Variants in GINS1 observed in about 807,000 individuals in gnomAD.
GINS1 encodes DNA replication complex GINS protein PSF1.
A neutral mutation model predicts 34.9 loss-of-function variants in GINS1; 26 were observed. That is an observed-to-expected ratio of 0.74 (90% confidence interval 0.55 to 1.03). The LOEUF (loss-of-function observed/expected upper bound fraction) is 1.03. Among genes scored for constraint, GINS1 ranks in the 50% least tolerant of loss-of-function variants. The probability of loss-of-function intolerance (pLI) is 0.00; values close to 1 mark genes in which losing one functional copy is unlikely to be tolerated. For synonymous variants in GINS1, 97 were observed against 84.4 expected (o/e 1.15, Z -0.82); for missense variants, 235 against 237.9 (o/e 0.99, Z 0.08).
Position 25,446,603 on chromosome 20 carries a change from G to A in GINS1, c.*612G>A, listed in dbSNP as rs1334307936. On this transcript the variant is annotated 3_prime_UTR_variant, in exon 7 of 7. Transcript: ENST00000262460. ...TGTAGAAATTTTCAGTATATATAAT[G>A]TTTAATGACATACTAATTTATCATC... The A allele has an allele frequency of 6.6e-6, 1 of 152,218 alleles. No homozygotes were observed. Among genetic ancestry groups the A allele is most frequent in the Non-Finnish European group, 1.5e-5 (1 of 68,054 alleles). 9.4% of individuals were successfully genotyped at this position (152,218 alleles called of 1,614,324 possible).
At chr20:25,434,996 C>T (rs958560574) in intron 5 of GINS1, among the ~76,000 whole-genome samples, 1 of 152,196 alleles carries the variant, frequency 6.6e-6, no homozygotes, top group Non-Finnish European at 1.5e-5. Context: ...CTGACCACCT[C>T]ACCAAAGTCC....
In GINS1 at chr20:25,417,156, C is replaced by T. The variant is rs766725581; in HGVS notation, c.193C>T (p.Arg65Ter). ...RSDLIPTIKF[R>*]HCSLLRNRRC... ...TGATTTGATACCAACTATCAAATTT[C>T]GACACTGTTCTCTGTTAAGAAATCG... The change falls in exon 3 of 7, where the codon CGA becomes TGA. Residue 65 changes from arginine (R) to a stop codon, truncating the protein, a stop_gained. Coordinates refer to ENST00000262460, the MANE Select transcript of GINS1 (RefSeq NM_021067.5). LOFTEE classifies it high-confidence loss of function. The T allele has an allele frequency of 7.5e-6, 12 of 1,600,136 alleles. No homozygotes were observed. Among genetic ancestry groups the T allele is most frequent in the South Asian group, 5.5e-5 (5 of 90,522 alleles).
intron 4 of GINS1, among the ~76,000 whole-genome samples, chr20:25,422,755 T>C (rs1405983691): frequency 1.3e-5 from 2 of 152,232 alleles, no homozygotes; most frequent in Middle Eastern, 3.2e-3. Context: ...TCTGTTGATA[T>C]ATTAGCAAGA....
rs1394583076 is a variant in GINS1 at position 25,446,170 on chromosome 20, ATGT to A, written c.*183_*185del. 11 of 470,026 alleles carry A rather than the reference ATGT, an allele frequency of 2.3e-5. No individual in the cohort carries two copies. The East Asian group carries it at 3.6e-4, about 15-fold the overall frequency. The allele number at this position is 470,026 out of a possible 1,614,324, so 29.1% of individuals were successfully genotyped here. On this transcript the variant is annotated 3_prime_UTR_variant, in exon 7 of 7. Transcript: ENST00000262460. ...AACTATTAAGGACTTTCTTTTTTTA[ATGT>A]TGTACACTATTCTTCCTACTCTTTT...
At chr20:25,437,137 C>G (rs899952562) in intron 5 of GINS1, among the ~76,000 whole-genome samples, 11 of 152,158 alleles carry the variant, frequency 7.2e-5, no homozygotes, top group African/African-American at 1.9e-4. Flanking sequence ...TCTTTAATGT[C>G]TGGCTCCTGA....
chr20:25,430,571 C>T (rs1331506466), intron 5 of GINS1, among the ~76,000 whole-genome samples: 1 of 152,036 alleles, frequency 6.6e-6, no homozygotes, highest in Non-Finnish European at 1.5e-5. Flanking sequence ...GGTCTGGTTG[C>T]CCAGGCTGGA....
chr20:25,434,514 C>T (rs2090443838), intron 5 of GINS1, among the ~76,000 whole-genome samples: 1 of 151,868 alleles, frequency 6.6e-6, no homozygotes, highest in Admixed American at 6.6e-5. Context: ...GTGGTACAAT[C>T]ATAGTTCACT....
At chr20:25,441,251 T>C (rs1444960659) in intron 5 of GINS1, among the ~76,000 whole-genome samples, 2 of 152,198 alleles carry the variant, frequency 1.3e-5, no homozygotes, top group Admixed American at 1.3e-4. Context: ...TGGGAAATTA[T>C]CTGAATTTTG....
intron 5 of GINS1, among the ~76,000 whole-genome samples, chr20:25,427,933 G>A (rs1394212299): frequency 7.3e-6 from 1 of 137,694 alleles, no homozygotes; most frequent in Non-Finnish European, 1.5e-5. Context: ...ATGCAGTGGT[G>A]TGATCTCGGC....
rs527860634 is a variant in GINS1, at chr20:25,427,039, A to G, written c.447+1712A>G. 5.9e-5 allele frequency among the ~76,000 whole-genome samples: 9 copies of G among 152,274 alleles called. No individual in the cohort carries two copies. In the South Asian group the frequency reaches 1.9e-3, roughly 32 times the overall value. On this transcript the variant is annotated intron_variant, in intron 5 of 6. Coordinates refer to ENST00000262460, the MANE Select transcript of GINS1 (RefSeq NM_021067.5). The stretch of plus-strand genomic sequence containing the variant: ...ATATCCAGAGTGGAATTACTAGATC[A>G]TATGGTAATACTATGTTTGAGGAAT...
chr20:25,445,610 G>A lies in GINS1; in HGVS notation c.523-313G>A, dbSNP rs1479345487. ...GATCCACCCGCCTCGGCCTCCCAAAGTGCTGGGATTATAGGCGTGATCCAC... is the reference window on the plus strand; with the variant it reads ...GATCCACCCGCCTCGGCCTCCCAAAATGCTGGGATTATAGGCGTGATCCAC... On this transcript the variant is annotated intron_variant, in intron 6 of 6. Coordinates refer to ENST00000262460, the MANE Select transcript of GINS1 (RefSeq NM_021067.5). Among the ~76,000 whole-genome samples the A allele has an allele frequency of 2.6e-5, 4 of 152,174 alleles. No individual in the cohort carries two copies. The East Asian group carries it at 7.7e-4, about 29-fold the overall frequency.
At position 25,407,682 on chromosome 20, in the gene GINS1, CA is replaced by C; in HGVS notation, c.-136del. 1.4e-6 allele frequency: 1 copy of C among 707,494 alleles called. No individual in the cohort carries two copies. Among genetic ancestry groups the C allele is most frequent in the South Asian group, 1.8e-5 (1 of 56,448 alleles). The allele number at this position is 707,494 out of a possible 1,614,324, so 43.8% of individuals were successfully genotyped here. A position where few individuals can be genotyped will look rare whatever the true frequency, so the allele number is the denominator to read the frequency against. On this transcript the variant is annotated 5_prime_UTR_variant, in exon 1 of 7. Coordinates refer to ENST00000262460, the MANE Select transcript of GINS1 (RefSeq NM_021067.5). ...CCTATTGGCTAGCTTTGTTCGGCGC[CA>C]AAGCGCGGAGCGGAGGCCGAGGCGA...
At chr20:25,433,797 ATTG>A (rs943240747) in intron 5 of GINS1, among the ~76,000 whole-genome samples, 2 of 152,292 alleles carry the variant, frequency 1.3e-5, no homozygotes, top group East Asian at 1.9e-4. Flanking sequence ...CCTTATTTCT[ATTG>A]TTGATGTCAC....
intron 5 of GINS1, among the ~76,000 whole-genome samples, chr20:25,427,662 T>C (rs1251829582): frequency 6.6e-6 from 1 of 152,190 alleles, no homozygotes; most frequent in African/African-American, 2.4e-5. Flanking sequence ...CATTTTCAAA[T>C]AGGGTTTTGT....
intron 1 of GINS1, among the ~76,000 whole-genome samples, chr20:25,409,816 T>A (rs984246012): frequency 6.6e-6 from 1 of 152,202 alleles, no homozygotes; most frequent in Non-Finnish European, 1.5e-5. Context: ...TCAGTAGAGA[T>A]GCTTGAATGC....
chr20:25,443,471 A>G (rs2090493636), intron 6 of GINS1, among the ~76,000 whole-genome samples: 1 of 143,622 alleles, frequency 7.0e-6, no homozygotes, highest in African/African-American at 2.6e-5. Context: ...CCTGTGGTTG[A>G]ATTTCTTTTT....
intron 3 of GINS1, 165 bp downstream of exon 3, chr20:25,417,367 C>T: frequency 5.1e-6 from 3 of 583,906 alleles, no homozygotes; most frequent in African/African-American, 2.0e-5. Flanking sequence ...TGAAAAATCA[C>T]AACACTTTTA....
chr20:25,410,467 A>C (rs199672904), intron 1 of GINS1, among the ~76,000 whole-genome samples: 1 of 152,196 alleles, frequency 6.6e-6, no homozygotes, highest in East Asian at 1.9e-4. Context: ...AGCCTGGAAC[A>C]CTTAGTCAGC....
chr20:25,432,263 G>A (rs2090431264), intron 5 of GINS1, among the ~76,000 whole-genome samples: 1 of 151,316 alleles, frequency 6.6e-6, no homozygotes, highest in Non-Finnish European at 1.5e-5. Flanking sequence ...ACATTTTGAT[G>A]TGTTATGTTT....
Sources: allele counts gnomAD v4.1 joint callset (sites outside exome capture counted in the v4.1 genomes callset), GRCh38; gene constraint gnomAD v4.1.1; transcripts MANE v1.5; gene names NCBI Gene and HGNC (gene_info 2026-07-23, HGNC 2026-07-21).